Variants in ABCA8 observed in about 807,000 individuals in gnomAD.
ABCA8 encodes the protein ABC-type organic anion transporter ABCA8.
ABCA8 carries 177 observed loss-of-function variants against 192.3 expected under a neutral mutation model. The observed-to-expected ratio is 0.92, with a 90% confidence interval of 0.81 to 1.04. The LOEUF is 1.04. ABCA8 is among the 50% of genes least tolerant of loss of function. The probability of loss-of-function intolerance (pLI) is 0.00; values close to 1 mark genes in which losing one functional copy is unlikely to be tolerated. For missense variants in ABCA8, 1,915 were observed against 1,904.8 expected (o/e 1.01, Z -0.10); for synonymous variants, 642 against 690.2 (o/e 0.93, Z 1.09).
chr17:68,887,944 T>TATATTATATATGGA (rs1491189377), intron 24 of ABCA8, among the ~76,000 whole-genome samples: 8 of 71,004 alleles, frequency 1.1e-4, no homozygotes, highest in African/African-American at 3.3e-4. Context: ...GATATATATA[T>TATATTATATATGGA]TATATATATG....
At position 68,918,423 on chromosome 17, in the gene ABCA8, T is replaced by A. The variant is rs1313523299; in HGVS notation, c.1908+4A>T. 8.3e-6 allele frequency: 13 copies of A among 1,570,454 alleles called. No individual in the cohort carries two copies. The highest frequency in any genetic ancestry group is 1.1e-5 in the Non-Finnish European group (13 of 1,162,730). On this transcript the variant is annotated splice_donor_region_variant and intron_variant, in intron 15 of 39. Coordinates refer to ENST00000586539, the MANE Select transcript of ABCA8 (RefSeq NM_001288985.2). ...AATTCACCTGCAAATTCAATGTGAC[T>A]CACCTGAGGATCTCCTAAAATGGCA...
intron 21 of ABCA8, among the ~76,000 whole-genome samples, chr17:68,898,763 G>A (rs1202888324): frequency 6.6e-6 from 1 of 151,964 alleles, no homozygotes; most frequent in Non-Finnish European, 1.5e-5. Context: ...GAATTCACAG[G>A]AACAAATGAA....
chr17:68,897,687 T>C (rs2066800892), intron 21 of ABCA8, among the ~76,000 whole-genome samples: 2 of 152,064 alleles, frequency 1.3e-5, no homozygotes, highest in South Asian at 4.1e-4. Flanking sequence ...CAAATAGAAA[T>C]TCTGGAGTTG....
intron 32 of ABCA8, chr17:68,878,537 TA>T (rs1264562295): frequency 6.6e-6 from 1 of 152,158 alleles, no homozygotes; most frequent in African/African-American, 2.4e-5. Flanking sequence ...ATGCATGGAT[TA>T]AAAAAACTCA....
At chr17:68,878,299 AT>A (rs1210039887) in intron 32 of ABCA8, 7 of 152,446 alleles carry the variant, frequency 4.6e-5, no homozygotes, top group Non-Finnish European at 1.0e-4. Context: ...AGAGGAGAAG[AT>A]GCTAGTCATG....
chr17:68,924,033 A>T (rs940225202), intron 11 of ABCA8, among the ~76,000 whole-genome samples: 1 of 152,114 alleles, frequency 6.6e-6, no homozygotes, highest in Admixed American at 6.6e-5. Context: ...CTTTTAAAGG[A>T]CAAAAAATAG....
chr17:68,888,876 G>A (rs1161411577), intron 24 of ABCA8, among the ~76,000 whole-genome samples: 2 of 152,132 alleles, frequency 1.3e-5, no homozygotes, highest in Non-Finnish European at 2.9e-5. Flanking sequence ...TCTAACATGA[G>A]AAGACAGCCA....
At chr17:68,942,263 T>C (rs979043163) in intron 2 of ABCA8, among the ~76,000 whole-genome samples, 7 of 152,162 alleles carry the variant, frequency 4.6e-5, no homozygotes, top group South Asian at 4.1e-4. Context: ...GTGCCTGTTA[T>C]CAATTTACTG....
In ABCA8 at chr17:68,932,411, T is replaced by C. The variant is rs1293408557; in HGVS notation, c.674A>G (p.Tyr225Cys). The C allele has an allele frequency of 6.2e-7, 1 of 1,613,924 alleles. No individual in the cohort carries two copies. The highest frequency in any genetic ancestry group is 8.5e-7 in the Non-Finnish European group (1 of 1,179,824). The change falls in exon 7 of 40, where the codon TAC becomes TGC. Residue 225 changes from tyrosine (Y) to cysteine (C), a missense_variant. Physicochemically the swap from Tyr to Cys is radical, Grantham distance 194. Coordinates refer to ENST00000586539, the MANE Select transcript of ABCA8 (RefSeq NM_001288985.2). ...AAATGAAATAATGCAGGAAAAAAGGTACAAATCAGTTATAACTCCTGATTG... is the reference window on the plus strand; with the variant it reads ...AAATGAAATAATGCAGGAAAAAAGGCACAAATCAGTTATAACTCCTGATTG... ...IGQSGVITDL[Y>C]LFSCIISFSS... is the part of the protein sequence containing the mutation.
chr17:68,887,463 G>A lies in ABCA8; in HGVS notation c.3188C>T (p.Ser1063Phe). 1 of 1,613,240 alleles carries A rather than the reference G, an allele frequency of 6.2e-7. No individual in the cohort carries two copies. The highest frequency in any genetic ancestry group is 8.5e-7 in the Non-Finnish European group (1 of 1,179,728). The stretch of plus-strand genomic sequence containing the variant: ...CAGCGCCTGCCCAAACCAGTAAGCA[G>A]AAGGGGAGAGTCCGGAAATCCGTAG... ...SQLRISGLSP[S>F]AYWFGQALVD... is the part of the protein sequence containing the mutation. The change falls in exon 25 of 40, where the codon TCT (serine) becomes TTT (phenylalanine). Residue 1063 changes from serine (S) to phenylalanine (F), a missense_variant. By Grantham distance (155) the Ser-to-Phe change is radical (BLOSUM62 -2). Transcript: ENST00000586539.
At position 68,918,249 on chromosome 17, in the gene ABCA8, G is replaced by A. The variant is rs548607565; in HGVS notation, c.1909-64C>T. 52 of 1,588,578 alleles carry A rather than the reference G, an allele frequency of 3.3e-5. 1 individual carries two copies. Among genetic ancestry groups the A allele is most frequent in the African/African-American group, 5.4e-5 (4 of 73,914 alleles). ...AGGTGAAGTTCTTCCAGAAAACAAC[G>A]CAAAAACCATATTGATTATATTTAA... On this transcript the variant is annotated intron_variant, in intron 15 of 39. Transcript: ENST00000586539.
chr17:68,874,600 T>G (rs1258308046), intron 37 of ABCA8, among the ~76,000 whole-genome samples: 1 of 152,246 alleles, frequency 6.6e-6, no homozygotes, highest in Non-Finnish European at 1.5e-5. Context: ...AGCATTGCTT[T>G]TCCATTTATA....
At position 68,877,612 on chromosome 17, in the gene ABCA8, G is replaced by A. The variant is rs776271867; in HGVS notation, c.4106C>T (p.Ala1369Val). ...CCTCACTGTCAGGTTGGGCCACAGC[G>A]CGTTCTCCTGAGGGCAGTACCCCAG... ...EFLGYCPQEN[A>V]LWPNLTVRQH... Residue 1369 changes from alanine to valine, a missense_variant, in exon 33 of 40, where the codon GCG (alanine) becomes GTG (valine). Transcript: ENST00000586539. 28 of 1,614,074 alleles carry A rather than the reference G, an allele frequency of 1.7e-5. No individual in the cohort carries two copies. Among genetic ancestry groups the A allele is most frequent in the East Asian group, 8.9e-5 (4 of 44,876 alleles).
chr17:68,874,816 G>T (rs946795752), intron 37 of ABCA8, among the ~76,000 whole-genome samples: 1 of 152,068 alleles, frequency 6.6e-6, no homozygotes, highest in African/African-American at 2.4e-5. Flanking sequence ...ACATAAAATT[G>T]GAAATGTTAA....
chr17:68,873,505 T>C (rs1716262548), intron 37 of ABCA8, among the ~76,000 whole-genome samples: 1 of 152,230 alleles, frequency 6.6e-6, no homozygotes, highest in Admixed American at 6.5e-5. Flanking sequence ...TAGGTTGCCT[T>C]TCACTTTGTC....
chr17:68,944,355 T>TATATAC (rs1399659982), intron 2 of ABCA8, among the ~76,000 whole-genome samples: 1 of 88,996 alleles, frequency 1.1e-5, no homozygotes, highest in Admixed American at 1.2e-4. Context: ...TATATATATA[T>TATATAC]ATATACACAT....
intron 26 of ABCA8, among the ~76,000 whole-genome samples, 163 bp from the exon 27 acceptor site, chr17:68,885,478 T>C (rs1476320663): frequency 2.0e-5 from 3 of 152,156 alleles, no homozygotes; most frequent in Non-Finnish European, 4.4e-5. Flanking sequence ...CTTAGCCAAA[T>C]TCCTTTGGCC....
intron 2 of ABCA8, among the ~76,000 whole-genome samples, chr17:68,943,795 G>A (rs765844651): frequency 5.9e-5 from 9 of 152,042 alleles, no homozygotes; most frequent in Non-Finnish European, 1.2e-4. Flanking sequence ...CAGCTTGCGT[G>A]TTTGTTTACA....
Position 68,895,240 on chromosome 17 carries a change from C to T in ABCA8, c.2765-227G>A, listed in dbSNP as rs565540694. 2.0e-5 allele frequency among the ~76,000 whole-genome samples: 3 copies of T among 152,172 alleles called. No homozygotes were observed. In the East Asian group the frequency reaches 5.8e-4, roughly 29 times the overall value. On this transcript the variant is annotated intron_variant, in intron 21 of 39. Transcript: ENST00000586539. Reference sequence around the variant, plus strand: ...AAAAGATTTTTTTAGTTCCAAGTGTCTTTCAAAATAGATTTTAGAATCTTG... The same window carrying T: ...AAAAGATTTTTTTAGTTCCAAGTGTTTTTCAAAATAGATTTTAGAATCTTG...
Sources: gnomAD v4.1 joint callset for allele counts (sites outside exome capture counted in the v4.1 genomes callset) on GRCh38, gnomAD v4.1.1 for gene constraint, MANE v1.5 for transcripts, NCBI Gene and HGNC (gene_info 2026-07-23, HGNC 2026-07-21) for gene names.